The following CA10 variants were observed in gnomAD, a reference collection of about 807,000 sequenced individuals.
CA10 encodes carbonic anhydrase 10 (inactive), also known as carbonic anhydrase-related protein 10.
In CA10, 14 loss-of-function variants were observed where a neutral mutation model predicts 44.2. The ratio of observed to expected loss-of-function variants is 0.32; its 90% CI spans 0.21 to 0.50. CA10 has a LOEUF of 0.50. Among genes scored for constraint, CA10 ranks in the 20% least tolerant of loss-of-function variants. The pLI, the probability that CA10 is intolerant of heterozygous loss-of-function variation, is 0.99. For missense variants in CA10, 350 were observed against 409.7 expected (o/e 0.85, Z 1.26); for synonymous variants, 159 against 141.6 (o/e 1.12, Z -0.87).
intron 4 of CA10, among the ~76,000 whole-genome samples, chr17:51,727,084 CT>C (rs1213134073): frequency 1.3e-5 from 2 of 152,310 alleles, no homozygotes; most frequent in African/African-American, 4.8e-5. Context: ...ACCTCTTCAT[CT>C]CTCTCCCTGT....
At chr17:52,146,986 T>C (rs1301860507) in intron 1 of CA10, among the ~76,000 whole-genome samples, 2 of 152,158 alleles carry the variant, frequency 1.3e-5, no homozygotes, top group African/African-American at 2.4e-5. Flanking sequence ...TTGACATCTA[T>C]TGGACAATTA....
chr17:52,121,535 C>T (rs954143452), intron 1 of CA10, among the ~76,000 whole-genome samples: 3 of 152,030 alleles, frequency 2.0e-5, no homozygotes, highest in African/African-American at 4.8e-5. Flanking sequence ...AAGCTGTAAA[C>T]CCATTCCATA....
rs188307962 is a variant in CA10, at chr17:52,082,752, C to A, written c.62-10359G>T. On this transcript the variant is annotated intron_variant, in intron 1 of 8. Transcript: ENST00000451037. ...AACTACATAATAAAATAATGCTAAC[C>A]ATTTAAATATAATTTTGACTTCTGA... Among the ~76,000 whole-genome samples, 16 of 152,216 alleles carry A rather than the reference C, an allele frequency of 1.1e-4. No individual in the cohort carries two copies. In the East Asian group the frequency reaches 3.1e-3, roughly 29 times the overall value.
chr17:52,093,029 G>A (rs1988309694), intron 1 of CA10, among the ~76,000 whole-genome samples: 1 of 152,026 alleles, frequency 6.6e-6, no homozygotes, highest in South Asian at 2.1e-4. Flanking sequence ...TTATCATGTT[G>A]ACGAGAAAAA....
At chr17:51,871,615 C>T (rs1979819499) in intron 3 of CA10, among the ~76,000 whole-genome samples, 1 of 151,086 alleles carries the variant, frequency 6.6e-6, no homozygotes, top group Non-Finnish European at 1.5e-5. Context: ...GAACTCCTGA[C>T]CTCAGGTGAT....
At chr17:51,992,751 C>T (rs183219219) in intron 2 of CA10, among the ~76,000 whole-genome samples, 1 of 152,000 alleles carries the variant, frequency 6.6e-6, no homozygotes, top group African/African-American at 2.4e-5. Flanking sequence ...ACAACCAGGA[C>T]AAAACTAAGG....
At chr17:51,932,554 G>C (rs203091) in intron 2 of CA10, among the ~76,000 whole-genome samples, 103,077 of 151,984 alleles carry the variant, frequency 0.68, 35,297 homozygotes, top group Non-Finnish European at 0.71. Context: ...TTTAAAATAT[G>C]ACAAATATCT....
At chr17:51,762,220 G>T (rs1905235198) in intron 3 of CA10, 1 of 152,226 alleles carries the variant, frequency 6.6e-6, no homozygotes, top group African/African-American at 2.4e-5. Flanking sequence ...AAGAGCCCAT[G>T]CCTGGTGAGC....
intron 3 of CA10, among the ~76,000 whole-genome samples, chr17:51,861,032 C>A (rs1979281131): frequency 6.6e-6 from 1 of 152,164 alleles, no homozygotes; most frequent in Non-Finnish European, 1.5e-5. Flanking sequence ...AAGCCACTGT[C>A]CCTCAGCTTC....
intron 3 of CA10, among the ~76,000 whole-genome samples, chr17:51,831,959 T>C (rs1908297868): frequency 6.6e-6 from 1 of 152,150 alleles, no homozygotes; most frequent in African/African-American, 2.4e-5. Context: ...CACTCCAAGC[T>C]TGCTCCCTCG....
At chr17:51,717,841 A>ACG (rs1916210066) in intron 4 of CA10, among the ~76,000 whole-genome samples, 3 of 73,774 alleles carry the variant, frequency 4.1e-5, no homozygotes, top group African/African-American at 1.7e-4. Flanking sequence ...ATATATATAT[A>ACG]TATATATATA....
At chr17:52,026,652 G>A (rs1051387696) in intron 2 of CA10, among the ~76,000 whole-genome samples, 1 of 152,088 alleles carries the variant, frequency 6.6e-6, no homozygotes, top group African/African-American at 2.4e-5. Flanking sequence ...TCTTCATGTG[G>A]TAGCAACAAG....
At chr17:51,904,762 G>A (rs1422161866) in intron 3 of CA10, among the ~76,000 whole-genome samples, 5 of 152,024 alleles carry the variant, frequency 3.3e-5, no homozygotes, top group African/African-American at 4.8e-5. Flanking sequence ...GCTTGGTGAG[G>A]GAGCCTCTAT....
chr17:52,100,819 T>G (rs1232141471), intron 1 of CA10, among the ~76,000 whole-genome samples: 1 of 152,208 alleles, frequency 6.6e-6, no homozygotes, highest in Admixed American at 6.5e-5. Flanking sequence ...GATCTTGCCC[T>G]ACTTTGATTT....
At chr17:51,893,185 T>C (rs567022688) in intron 3 of CA10, among the ~76,000 whole-genome samples, 11 of 151,616 alleles carry the variant, frequency 7.3e-5, no homozygotes, top group Non-Finnish European at 1.6e-4. Context: ...AACGAAAAAA[T>C]AAAAATAAAG....
chr17:51,747,332 T>C (rs1217370797), intron 4 of CA10, among the ~76,000 whole-genome samples: 2 of 152,122 alleles, frequency 1.3e-5, no homozygotes, highest in African/African-American at 4.8e-5. Flanking sequence ...ATATATAAGG[T>C]GAGGATTTGG....
intron 4 of CA10, among the ~76,000 whole-genome samples, chr17:51,694,542 T>C (rs1915336505): frequency 6.6e-6 from 1 of 151,648 alleles, no homozygotes; most frequent in Admixed American, 6.6e-5. Context: ...TCTTGTAGGT[T>C]CTGGATATCA....
intron 2 of CA10, among the ~76,000 whole-genome samples, chr17:51,964,448 A>C (rs1322250734): frequency 6.6e-6 from 1 of 152,092 alleles, no homozygotes; most frequent in Non-Finnish European, 1.5e-5. Context: ...GAAACCACAG[A>C]ATATACATTC....
chr17:51,661,544 T>G (rs1363546541), intron 4 of CA10: 1 of 152,234 alleles, frequency 6.6e-6, no homozygotes, highest in Non-Finnish European at 1.5e-5. Flanking sequence ...AAAAAGCACT[T>G]AGCCCAAGGC....
Sources: allele counts gnomAD v4.1 joint callset (sites outside exome capture counted in the v4.1 genomes callset), GRCh38; gene constraint gnomAD v4.1.1; transcripts MANE v1.5; gene names NCBI Gene and HGNC (gene_info 2026-07-23, HGNC 2026-07-21).